EVL: variants seen among roughly 807,000 people sequenced by gnomAD.
EVL encodes the protein ena/VASP-like protein.
Under a neutral mutation model 59.6 loss-of-function variants are expected in EVL, and 21 were observed. The observed-to-expected ratio is 0.35, with a 90% CI of 0.25 to 0.51. The LOEUF is 0.51. Among genes scored for constraint, EVL ranks in the 20% least tolerant of loss-of-function variants. EVL has a pLI of 0.97. For missense variants in EVL, 462 were observed against 546.6 expected (o/e 0.85, Z 1.54); for synonymous variants, 198 against 203.5 (o/e 0.97, Z 0.23).
At chr14:100,031,641 C>T (rs1180931841) in intron 1 of EVL, among the ~76,000 whole-genome samples, 1 of 152,162 alleles carries the variant, frequency 6.6e-6, no homozygotes, top group African/African-American at 2.4e-5. Flanking sequence ...TGACTAGTCA[C>T]TGGGCTCTTC....
chr14:99,989,875 G>T (rs1050510679), intron 1 of EVL, among the ~76,000 whole-genome samples: 1 of 152,206 alleles, frequency 6.6e-6, no homozygotes, highest in African/African-American at 2.4e-5. Context: ...GTAGTAGTAA[G>T]TCAGTCCGTG....
intron 1 of EVL, among the ~76,000 whole-genome samples, chr14:100,079,506 G>GA (rs2062244279): frequency 6.6e-6 from 1 of 152,220 alleles, no homozygotes; most frequent in South Asian, 2.1e-4. Flanking sequence ...AGGACAAACT[G>GA]AAAAGCGCTC....
chr14:99,981,710 G>A (rs1157352039), intron 1 of EVL, among the ~76,000 whole-genome samples: 1 of 152,238 alleles, frequency 6.6e-6, no homozygotes, highest in Non-Finnish European at 1.5e-5. Flanking sequence ...TAAGTATGCA[G>A]TAGCACTATG....
intron 1 of EVL, among the ~76,000 whole-genome samples, chr14:100,005,682 TAC>T (rs1353685202): frequency 6.6e-6 from 1 of 151,220 alleles, no homozygotes; most frequent in Admixed American, 6.6e-5. Context: ...CCTTGGATGT[TAC>T]CTTTTAATTA....
At chr14:100,061,515 A>G (rs1330517999), upstream of EVL, among the ~76,000 whole-genome samples, 1 of 151,190 alleles carries the variant, frequency 6.6e-6, no homozygotes, top group East Asian at 1.9e-4. Flanking sequence ...GGGGATGGAT[A>G]AAGATTACCA....
At chr14:99,986,651 C>G (rs2060842106) in intron 1 of EVL, among the ~76,000 whole-genome samples, 1 of 152,160 alleles carries the variant, frequency 6.6e-6, no homozygotes. Flanking sequence ...GTGCAGATTT[C>G]TGGACTATGA....
chr14:100,107,210 A>C, intron 3 of EVL: 1 of 398,720 alleles, frequency 2.5e-6, no homozygotes, highest in Non-Finnish European at 4.4e-6. Context: ...AACTTACTAG[A>C]GTCATCGTGT....
rs142205868 is a variant in EVL, at chr14:100,009,359, C to T, written c.5+37302C>T. Among the ~76,000 whole-genome samples, 136 of 152,330 alleles carry T rather than the reference C, an allele frequency of 8.9e-4. 3 individuals are homozygous for T. In the East Asian group the frequency reaches 0.013, roughly 14 times the overall value. ...TAAAATGTCTTCCATCTTGCCTTGCCAGTTGGATGCTTGAAATTCCCACAG... is the reference window on the plus strand; with the variant it reads ...TAAAATGTCTTCCATCTTGCCTTGCTAGTTGGATGCTTGAAATTCCCACAG... On this transcript the variant is annotated intron_variant, in intron 1 of 13. Coordinates refer to the EVL transcript ENST00000402714.
intron 1 of EVL, among the ~76,000 whole-genome samples, chr14:100,021,958 CA>C (rs781733046): frequency 5.3e-4 from 80 of 151,928 alleles, no homozygotes; most frequent in Middle Eastern, 3.4e-3. Context: ...GGATGAGAAT[CA>C]GAGAACTTGG....
At chr14:100,022,426 C>T (rs1279468731) in intron 1 of EVL, among the ~76,000 whole-genome samples, 2 of 152,014 alleles carry the variant, frequency 1.3e-5, no homozygotes, top group Non-Finnish European at 2.9e-5. Flanking sequence ...TACAGGCATG[C>T]ACCACCACGC....
chr14:100,006,940 A>G (rs1487707475), intron 1 of EVL, among the ~76,000 whole-genome samples: 1 of 152,152 alleles, frequency 6.6e-6, no homozygotes, highest in Non-Finnish European at 1.5e-5. Flanking sequence ...TGAGCCATAA[A>G]GATAGCTCAA....
At chr14:100,081,676 G>C (rs537240928) in intron 1 of EVL, among the ~76,000 whole-genome samples, 1 of 152,324 alleles carries the variant, frequency 6.6e-6, no homozygotes, top group African/African-American at 2.4e-5. Flanking sequence ...CCCCCACCTA[G>C]TGCTAGCGGT....
In EVL at chr14:100,141,274, A is replaced by G. The variant is rs772814482; in HGVS notation, c.1161+28A>G. On this transcript the variant is annotated intron_variant, in intron 12 of 13. Transcript: ENST00000392920. Reference sequence around the variant, plus strand: ...GAGCATGCCCTGTGCCCTTCCCTCAAGAGGCTGAGGGCAGCCAGCAGGCGG... The same window carrying G: ...GAGCATGCCCTGTGCCCTTCCCTCAGGAGGCTGAGGGCAGCCAGCAGGCGG... 3 of 1,612,014 alleles carry G rather than the reference A, an allele frequency of 1.9e-6. No individual in the cohort carries two copies. In the South Asian group the frequency reaches 3.3e-5, roughly 18 times the overall value.
At chr14:100,028,032 G>C (rs989278601) in intron 1 of EVL, among the ~76,000 whole-genome samples, 1 of 151,990 alleles carries the variant, frequency 6.6e-6, no homozygotes, top group East Asian at 1.9e-4. Flanking sequence ...AGTAAAATCA[G>C]TCTCTTCAGT....
intron 1 of EVL, among the ~76,000 whole-genome samples, chr14:100,076,590 A>C (rs2062166146): frequency 6.6e-6 from 1 of 152,216 alleles, no homozygotes; most frequent in Non-Finnish European, 1.5e-5. Context: ...GGCTTCAGGG[A>C]AGATTTTCTA....
chr14:100,102,263 T>G (rs1886268788), intron 3 of EVL: 1 of 455,924 alleles, frequency 2.2e-6, no homozygotes, highest in African/African-American at 2.0e-5. Context: ...CACAGCCTCC[T>G]TGCACCTTTT....
At chr14:99,989,841 C>T (rs1259344418) in intron 1 of EVL, among the ~76,000 whole-genome samples, 1 of 152,202 alleles carries the variant, frequency 6.6e-6, no homozygotes, top group Non-Finnish European at 1.5e-5. Context: ...GGCAGGCGTT[C>T]ACCCAGCTCC....
intron 1 of EVL, among the ~76,000 whole-genome samples, chr14:100,022,319 C>G (rs1324486983): frequency 6.6e-6 from 1 of 151,002 alleles, no homozygotes; most frequent in Non-Finnish European, 1.5e-5. Flanking sequence ...TCTCTGTCAC[C>G]CGGGCTGGAG....
intron 1 of EVL, among the ~76,000 whole-genome samples, chr14:100,029,495 A>G (rs1164490612): frequency 1.3e-5 from 2 of 152,206 alleles, no homozygotes; most frequent in East Asian, 3.8e-4. Context: ...ACTGTCCTCA[A>G]GAGGTGTGGA....
Sources: gnomAD v4.1 joint callset for allele counts (sites outside exome capture counted in the v4.1 genomes callset) on GRCh38, gnomAD v4.1.1 for gene constraint, MANE v1.5 for transcripts, NCBI Gene and HGNC (gene_info 2026-07-23, HGNC 2026-07-21) for gene names.